TRDN: variants seen among roughly 807,000 people sequenced by gnomAD.
TRDN encodes the protein triadin.
TRDN carries 161 observed loss-of-function variants against 149.7 expected under a neutral mutation model. The observed-to-expected ratio is 1.08, with a 90% CI of 0.95 to 1.23. The LOEUF is 1.23. Among genes scored for constraint, TRDN ranks in the 50% most tolerant of loss-of-function variants. The probability of loss-of-function intolerance (pLI) is 0.00; values close to 1 mark genes in which losing one functional copy is unlikely to be tolerated. For synonymous variants in TRDN, 294 were observed against 250.5 expected, an observed-to-expected ratio of 1.17 and a Z score of -1.64; for missense variants, 896 against 823.5, an observed-to-expected ratio of 1.09 and a Z score of -1.08.
chr6:123,419,559 A>G (rs1773806664), intron 12 of TRDN, among the ~76,000 whole-genome samples: 1 of 151,924 alleles, frequency 6.6e-6, no homozygotes, highest in East Asian at 1.9e-4. Context: ...TTGTTTATAG[A>G]CAGGGGGCGG....
chr6:123,391,728 G>A (rs1772480217), intron 13 of TRDN, among the ~76,000 whole-genome samples: 1 of 151,810 alleles, frequency 6.6e-6, no homozygotes, highest in African/African-American at 2.4e-5. Context: ...TTTTTAATAT[G>A]TCCTTTGTTG....
intron 1 of TRDN, among the ~76,000 whole-genome samples, chr6:123,620,484 C>CA (rs1192238225): frequency 6.6e-6 from 1 of 151,982 alleles, no homozygotes; most frequent in Admixed American, 6.6e-5. Context: ...TGACCCAAAT[C>CA]AAAAAACAGG....
intron 24 of TRDN, among the ~76,000 whole-genome samples, chr6:123,284,665 A>G (rs1310225373): frequency 6.6e-6 from 1 of 152,094 alleles, no homozygotes; most frequent in East Asian, 1.9e-4. Context: ...TTCTAGCCAG[A>G]TCAATCAAAC....
intron 7 of TRDN, chr6:123,510,301 T>G (rs2114852180): frequency 6.6e-6 from 1 of 152,194 alleles, no homozygotes; most frequent in Middle Eastern, 3.6e-3. Flanking sequence ...TATTTTACAT[T>G]TAGTAGCTAA....
Position 123,421,805 on chromosome 6 carries a change from C to CA in TRDN, c.1051+16257dup, listed in dbSNP as rs56022131. 4.7e-3 allele frequency among the ~76,000 whole-genome samples: 434 copies of CA among 92,632 alleles called. 6 individuals carry two copies. The highest frequency in any genetic ancestry group is 0.023 in the East Asian group (66 of 2,884). The allele number at this position is 92,632 out of a possible 152,430, so 60.8% of individuals were successfully genotyped here. On this transcript the variant is annotated intron_variant, in intron 12 of 40. Transcript: ENST00000334268. Reference sequence around the variant, plus strand: ...TCAACAGAGTGAGACCCTTTCTCTACAAAAAAAAAAAAAAAAAAATTGGCC... The same window carrying CA: ...TCAACAGAGTGAGACCCTTTCTCTACAAAAAAAAAAAAAAAAAAAATTGGCC...
intron 20 of TRDN, among the ~76,000 whole-genome samples, chr6:123,361,500 C>A: frequency 6.6e-6 from 1 of 151,488 alleles, no homozygotes; most frequent in African/African-American, 2.4e-5. Context: ...CACATGTACC[C>A]CAGAACTTAA....
At chr6:123,432,238 C>A (rs1422005146) in intron 12 of TRDN, among the ~76,000 whole-genome samples, 1 of 152,046 alleles carries the variant, frequency 6.6e-6, no homozygotes, top group Admixed American at 6.6e-5. Flanking sequence ...TTGGATATAT[C>A]TTTTTCTAAA....
intron 21 of TRDN, among the ~76,000 whole-genome samples, chr6:123,343,744 T>TA (rs896851451): frequency 5.9e-5 from 9 of 151,854 alleles, no homozygotes; most frequent in East Asian, 1.9e-4. Context: ...AGTATAATAA[T>TA]AAAAAAAATT....
chr6:123,248,269 A>C (rs1562228996), intron 38 of TRDN, among the ~76,000 whole-genome samples: 1 of 152,030 alleles, frequency 6.6e-6, no homozygotes, highest in Non-Finnish European at 1.5e-5. Flanking sequence ...GAAATACAAA[A>C]GATCAAGCTG....
At chr6:123,262,503 G>A (rs937708065) in intron 33 of TRDN, among the ~76,000 whole-genome samples, 1 of 151,906 alleles carries the variant, frequency 6.6e-6, no homozygotes, top group African/African-American at 2.4e-5. Context: ...ATACATCCTG[G>A]TCCAGTGTCA....
Position 123,518,115 on chromosome 6 carries a change from A to G in TRDN, c.485-1909T>C, listed in dbSNP as rs77197354. Reference sequence around the variant, plus strand: ...CTATAATAGACACTGCTTGCTTCCAATTATGTGAAACTTTTGACAATTTAT... The same window carrying G: ...CTATAATAGACACTGCTTGCTTCCAGTTATGTGAAACTTTTGACAATTTAT... On this transcript the variant is annotated intron_variant, in intron 5 of 40. Coordinates refer to ENST00000334268, the MANE Select transcript of TRDN (RefSeq NM_006073.4). 4.6e-3 allele frequency among the ~76,000 whole-genome samples: 693 copies of G among 152,264 alleles called. 3 individuals carry two copies. Among genetic ancestry groups the G allele is most frequent in the African/African-American group, 0.016 (650 of 41,558 alleles).
At chr6:123,268,068 T>C (rs1311007488) in intron 31 of TRDN, among the ~76,000 whole-genome samples, 1 of 152,136 alleles carries the variant, frequency 6.6e-6, no homozygotes, top group Non-Finnish European at 1.5e-5. Flanking sequence ...TTTTATTTGC[T>C]GAAAGTTGAA....
chr6:123,440,401 C>T (rs553791930), intron 10 of TRDN, among the ~76,000 whole-genome samples: 4 of 152,288 alleles, frequency 2.6e-5, no homozygotes, highest in African/African-American at 9.6e-5. Context: ...GCATATTAAA[C>T]ATGTAGATCA....
Position 123,352,599 on chromosome 6 carries a change from G to T in TRDN, c.1322-13C>A. ...TTTCCAGGTACAGCTGCAAAACAAA[G>T]ATAAGGTTTAAAGAAGAGTTCCAGA... On this transcript the variant is annotated splice_polypyrimidine_tract_variant and intron_variant, in intron 20 of 40. Transcript: ENST00000334268. 6.2e-7 allele frequency: 1 copy of T among 1,608,272 alleles called. No individual in the cohort carries two copies. Among genetic ancestry groups the T allele is most frequent in the African/African-American group, 1.3e-5 (1 of 74,624 alleles).
chr6:123,441,958 A>G (rs1243370184), intron 10 of TRDN: 1 of 152,206 alleles, frequency 6.6e-6, no homozygotes, highest in Non-Finnish European at 1.5e-5. Context: ...TTTAATAACA[A>G]TGCATTCCAA....
At chr6:123,223,685 C>T (rs540874467) in intron 39 of TRDN, among the ~76,000 whole-genome samples, 10 of 124,686 alleles carry the variant, frequency 8.0e-5, no homozygotes, top group African/African-American at 4.2e-4. Flanking sequence ...TCCTTCCTTC[C>T]TTCCTTCCTT....
chr6:123,332,191 T>C (rs1779684240), intron 22 of TRDN, among the ~76,000 whole-genome samples: 1 of 152,070 alleles, frequency 6.6e-6, no homozygotes, highest in Admixed American at 6.6e-5. Flanking sequence ...GAATGAGTAT[T>C]TGGATGGATA....
At chr6:123,420,389 T>A (rs560362320) in intron 12 of TRDN, among the ~76,000 whole-genome samples, 2 of 66,358 alleles carry the variant, frequency 3.0e-5, no homozygotes, top group Non-Finnish European at 6.4e-5. Context: ...CAAGGATTTT[T>A]TTAAAAAAAA....
At chr6:123,334,087 C>G (rs1249457171) in intron 22 of TRDN, among the ~76,000 whole-genome samples, 1 of 152,034 alleles carries the variant, frequency 6.6e-6, no homozygotes, top group Non-Finnish European at 1.5e-5. Context: ...TGAAGTACAG[C>G]ATGGCTGGGG....
Sources: gnomAD v4.1 joint callset for allele counts (sites outside exome capture counted in the v4.1 genomes callset) on GRCh38, gnomAD v4.1.1 for gene constraint, MANE v1.5 for transcripts, NCBI Gene and HGNC (gene_info 2026-07-23, HGNC 2026-07-21) for gene names.